The following PCDHGA9 variants were observed in gnomAD, a reference collection of about 807,000 sequenced individuals.
The protein encoded by PCDHGA9 is protocadherin gamma subfamily A, 9.
A neutral mutation model predicts 62.5 loss-of-function variants in PCDHGA9; 37 were observed. That is an observed-to-expected ratio of 0.59 (90% CI 0.46 to 0.78). The LOEUF is 0.78. Among genes scored for constraint, PCDHGA9 ranks in the 30% least tolerant of loss-of-function variants. PCDHGA9 has a pLI of 0.00. For missense variants in PCDHGA9, 1,138 were observed against 1,166.2 expected (o/e 0.98, Z 0.35); for synonymous variants, 459 against 484.6 (o/e 0.95, Z 0.69).
At chr5:141,501,755 G>C (rs2099810889) in intron 2 of PCDHGA9, among the ~76,000 whole-genome samples, 1 of 152,116 alleles carries the variant, frequency 6.6e-6, no homozygotes, top group Non-Finnish European at 1.5e-5. Context: ...GAAGCTCTCA[G>C]TAAATGGTTA....
At chr5:141,497,468 G>A (rs912445126) in intron 2 of PCDHGA9, among the ~76,000 whole-genome samples, 10 of 151,996 alleles carry the variant, frequency 6.6e-5, no homozygotes, top group African/African-American at 2.4e-4. Flanking sequence ...GAGATATGGA[G>A]GAGAAGGTGC....
intron 1 of PCDHGA9, among the ~76,000 whole-genome samples, chr5:141,454,379 T>A (rs770736083): frequency 1.2e-3 from 179 of 152,316 alleles, no homozygotes; most frequent in Non-Finnish European, 2.1e-3. Flanking sequence ...TGGCAACTTG[T>A]CAAGATGAAG....
chr5:141,406,294 G>C (rs1399208737), intron 1 of PCDHGA9, among the ~76,000 whole-genome samples: 1 of 151,910 alleles, frequency 6.6e-6, no homozygotes, highest in East Asian at 1.9e-4. Flanking sequence ...CACTGGGTGA[G>C]GTGTGAACCA....
Position 141,404,681 on chromosome 5 carries a change from C to T in PCDHGA9, c.1729C>T (p.Leu577=). ...LPTDGSTGVE[L]APRSAEPGYL... The stretch of plus-strand genomic sequence containing the variant: ...CACTGATGGTTCTACTGGTGTGGAG[C>T]TGGCACCCCGCTCTGCAGAGCCTGG... Residue 577 remains leucine (L), a synonymous_variant, in exon 1 of 4, where the codon CTG becomes TTG. Coordinates refer to ENST00000573521, the MANE Select transcript of PCDHGA9 (RefSeq NM_018921.3). The T allele has an allele frequency of 6.2e-7, 1 of 1,614,092 alleles. No homozygotes were observed. Among genetic ancestry groups the T allele is most frequent in the Non-Finnish European group, 8.5e-7 (1 of 1,179,958 alleles).
At position 141,503,992 on chromosome 5, in the gene PCDHGA9, A is replaced by G. The variant is rs1419698681; in HGVS notation, c.2484-1401A>G. 2.6e-5 allele frequency among the ~76,000 whole-genome samples: 4 copies of G among 152,116 alleles called. No homozygotes were observed. In the East Asian group the frequency reaches 7.7e-4, roughly 29 times the overall value. ...GGTGCCAAACCCTTCTTCTTACCTTACAGTCACTTAACTGTCTCTGCTGGT... is the reference window on the plus strand; with the variant it reads ...GGTGCCAAACCCTTCTTCTTACCTTGCAGTCACTTAACTGTCTCTGCTGGT... On this transcript the variant is annotated intron_variant, in intron 2 of 3. Transcript: ENST00000573521.
In PCDHGA9 at chr5:141,490,304, T is replaced by G. The variant is rs2099698490; in HGVS notation, c.2425-4503T>G. On this transcript the variant is annotated intron_variant, in intron 1 of 3. Coordinates refer to ENST00000573521, the MANE Select transcript of PCDHGA9 (RefSeq NM_018921.3). This position sits in a 1 kb window ranked among gnomAD's most constrained non-coding sequence, Gnocchi z 5.4. ...GCCCCAGAGGTGCTATTGGCCTCTT[T>G]GGCCAACCCTGTCCTAGAGAGCACA... 1.2e-6 allele frequency: 2 copies of G among 1,614,026 alleles called. No homozygotes were observed. The highest frequency in any genetic ancestry group is 1.7e-5 in the Admixed American group (1 of 60,010).
intron 1 of PCDHGA9, chr5:141,409,185 C>G (rs765063807): frequency 6.2e-7 from 1 of 1,614,024 alleles, no homozygotes; most frequent in South Asian, 1.1e-5. Flanking sequence ...GGTGGTCTCT[C>G]TACCCAGTGT....
chr5:141,435,558 T>C (rs1401876733), intron 1 of PCDHGA9, among the ~76,000 whole-genome samples: 1 of 152,136 alleles, frequency 6.6e-6, no homozygotes, highest in Non-Finnish European at 1.5e-5. Flanking sequence ...TTTTGAGTGC[T>C]TTTTTTAGTA....
At chr5:141,428,750 C>G (rs1282306626) in intron 1 of PCDHGA9, 1 of 154,730 alleles carries the variant, frequency 6.5e-6, no homozygotes, top group African/African-American at 2.4e-5. Flanking sequence ...ACTATTGCTT[C>G]AGGTTTGTTT....
Position 141,489,585 on chromosome 5 carries a change from G to C in PCDHGA9, c.2425-5222G>C. The C allele has an allele frequency of 6.2e-7, 1 of 1,614,090 alleles. No individual in the cohort carries two copies. On this transcript the variant is annotated intron_variant, in intron 1 of 3. Transcript: ENST00000573521. This position sits in a 1 kb window ranked among gnomAD's most constrained non-coding sequence, Gnocchi z 4.5. ...AGGTGGTGACTGAACACCCCCTGGA[G>C]CTAATCCGTGTAGAGGTAGAGATCC...
At chr5:141,427,378 C>T in intron 1 of PCDHGA9, 1 of 458,520 alleles carries the variant, frequency 2.2e-6, no homozygotes, top group Non-Finnish European at 4.4e-6. Context: ...ACGGTGATCA[C>T]TCTGTTCAAA....
rs2099455203 is a variant in PCDHGA9 at position 141,478,427 on chromosome 5, C to T, written c.2425-16380C>T. The T allele has an allele frequency of 1.9e-6, 3 of 1,613,742 alleles. No individual in the cohort carries two copies. Among genetic ancestry groups the T allele is most frequent in the Non-Finnish European group, 2.5e-6 (3 of 1,180,014 alleles). On this transcript the variant is annotated intron_variant, in intron 1 of 3. Coordinates refer to ENST00000573521, the MANE Select transcript of PCDHGA9 (RefSeq NM_018921.3). ...CACCACGGACTCCCGCCGCAGCGAC[C>T]CGCTGCTGAAGAAACCTGGTGCAGC...
chr5:141,412,416 G>A (rs897228706), intron 1 of PCDHGA9: 1 of 152,162 alleles, frequency 6.6e-6, no homozygotes, highest in Non-Finnish European at 1.5e-5. Flanking sequence ...GATAAAGTAT[G>A]TTTTACACAA....
chr5:141,413,649 C>G, intron 1 of PCDHGA9: 1 of 1,613,836 alleles, frequency 6.2e-7, no homozygotes, highest in South Asian at 1.1e-5. Flanking sequence ...GTTTTCCTCT[C>G]CCGGAAGCTA....
intron 2 of PCDHGA9, among the ~76,000 whole-genome samples, chr5:141,502,024 C>T (rs2099812413): frequency 2.0e-5 from 3 of 152,152 alleles, no homozygotes; most frequent in Admixed American, 1.3e-4. Context: ...TCCCTGCAAC[C>T]CCCGCCGCTT....
At chr5:141,461,738 C>A (rs2099021378) in intron 1 of PCDHGA9, among the ~76,000 whole-genome samples, 1 of 150,904 alleles carries the variant, frequency 6.6e-6, no homozygotes. Flanking sequence ...TGGCACAATC[C>A]CGGCTCCCAG....
rs764725441 is a variant in PCDHGA9, at chr5:141,403,389, C to T, written c.437C>T (p.Ala146Val). The change falls in exon 1 of 4, where the codon GCG becomes GTG. Residue 146 changes from alanine (A) to valine (V), a missense_variant. Ala to Val is a moderately conservative substitution (Grantham distance 64). Coordinates refer to ENST00000573521, the MANE Select transcript of PCDHGA9 (RefSeq NM_018921.3). Reference sequence around the variant, plus strand: ...CTGGAAGTAAAAATTAACGAAATCGCGGTTCCTGGAGCACGTTATCCACTT... The same window carrying T: ...CTGGAAGTAAAAATTAACGAAATCGTGGTTCCTGGAGCACGTTATCCACTT... ...ESLEVKINEI[A>V]VPGARYPLPE... The T allele has an allele frequency of 1.2e-6, 2 of 1,614,050 alleles. No individual in the cohort carries two copies. The highest frequency in any genetic ancestry group is 1.1e-5 in the South Asian group (1 of 91,088).
chr5:141,440,503 G>A (rs979260104), intron 1 of PCDHGA9: 10 of 152,154 alleles, frequency 6.6e-5, no homozygotes, highest in Non-Finnish European at 1.0e-4. Flanking sequence ...ACATTAATAT[G>A]GAGATTCAGG....
At chr5:141,417,179 A>C (rs1015183950) in intron 1 of PCDHGA9, 1 of 152,194 alleles carries the variant, frequency 6.6e-6, no homozygotes, top group African/African-American at 2.4e-5. Context: ...GAAATAAGGA[A>C]TTATTACTTT....
Sources: allele counts gnomAD v4.1 joint callset (sites outside exome capture counted in the v4.1 genomes callset), GRCh38; gene constraint gnomAD v4.1.1; non-coding constraint Gnocchi (gnomAD v3.1); transcripts MANE v1.5; gene names NCBI Gene and HGNC (gene_info 2026-07-23, HGNC 2026-07-21).